Variants in MPP7 observed in about 807,000 individuals in gnomAD.
MPP7 encodes the protein MAGUK p55 subfamily member 7.
MPP7 carries 60 observed loss-of-function variants against 76.5 expected under a neutral mutation model. The observed-to-expected ratio is 0.78, with a 90% CI of 0.64 to 0.97. The LOEUF (loss-of-function observed/expected upper bound fraction) is 0.97, where lower values mean the gene tolerates loss of function less well. Among genes scored for constraint, MPP7 ranks in the 50% least tolerant of loss-of-function variants. The pLI is 0.00. For synonymous variants in MPP7, 237 were observed against 244.5 expected (o/e 0.97, Z 0.29); for missense variants, 641 against 694.0 (o/e 0.92, Z 0.86).
At chr10:28,329,489 C>G (rs1217210229) in intron 2 of MPP7, among the ~76,000 whole-genome samples, 1 of 151,882 alleles carries the variant, frequency 6.6e-6, no homozygotes, top group Non-Finnish European at 1.5e-5. Flanking sequence ...ATTAGCTGGG[C>G]GTGGTGGTGG....
intron 1 of MPP7, among the ~76,000 whole-genome samples, chr10:28,249,177 C>T (rs1839532344): frequency 6.6e-6 from 1 of 151,804 alleles, no homozygotes; most frequent in African/African-American, 2.4e-5. Context: ...TTCTGCCTGT[C>T]CTCTTCTTAG....
At chr10:28,312,702 A>C (rs1363265009) in intron 2 of MPP7, among the ~76,000 whole-genome samples, 1 of 152,236 alleles carries the variant, frequency 6.6e-6, no homozygotes, top group Non-Finnish European at 1.5e-5. Context: ...GAGATGAGTC[A>C]TTCAGAATTT....
At chr10:28,186,428 A>T (rs899933176) in intron 3 of MPP7, among the ~76,000 whole-genome samples, 1 of 152,242 alleles carries the variant, frequency 6.6e-6, no homozygotes, top group Non-Finnish European at 1.5e-5. Flanking sequence ...CTATACTTTA[A>T]AAATAATTTA....
chr10:28,158,427 C>T (rs1352307149), intron 3 of MPP7, among the ~76,000 whole-genome samples: 2 of 152,032 alleles, frequency 1.3e-5, no homozygotes, highest in East Asian at 1.9e-4. Context: ...AGGGGACAGC[C>T]GGCAGGGGGG....
At chr10:28,079,776 A>G (rs1227863651) in intron 12 of MPP7, among the ~76,000 whole-genome samples, 4 of 152,212 alleles carry the variant, frequency 2.6e-5, no homozygotes, top group African/African-American at 9.7e-5. Context: ...ATGTATTACT[A>G]TTGTGAAAAT....
intron 11 of MPP7, among the ~76,000 whole-genome samples, chr10:28,105,548 C>T (rs1309394884): frequency 6.6e-6 from 1 of 152,186 alleles, no homozygotes; most frequent in Non-Finnish European, 1.5e-5. Flanking sequence ...GGCTCTGTCA[C>T]CCAGGCTGGA....
intron 3 of MPP7, among the ~76,000 whole-genome samples, chr10:28,165,613 C>G (rs1836424970): frequency 6.6e-6 from 1 of 151,824 alleles, no homozygotes; most frequent in Non-Finnish European, 1.5e-5. Context: ...ATTTTAAAGG[C>G]AGCCATGATA....
chr10:28,216,445 G>A (rs1250300109), intron 2 of MPP7, among the ~76,000 whole-genome samples: 1 of 152,194 alleles, frequency 6.6e-6, no homozygotes, highest in Admixed American at 6.5e-5. Context: ...ATTGGCTGAT[G>A]TAAACTGTAC....
At chr10:28,183,287 T>C (rs1368099251) in intron 3 of MPP7, among the ~76,000 whole-genome samples, 1 of 152,032 alleles carries the variant, frequency 6.6e-6, no homozygotes, top group Non-Finnish European at 1.5e-5. Context: ...ATTTTCTCTC[T>C]TAAGCTGTGT....
chr10:28,327,797 C>T (rs570551299), intron 2 of MPP7, among the ~76,000 whole-genome samples: 9 of 152,252 alleles, frequency 5.9e-5, no homozygotes, highest in Admixed American at 3.9e-4. Flanking sequence ...ACATTATATT[C>T]GTGAGTGTGC....
chr10:28,315,498 G>T (rs1564771046), intron 2 of MPP7, among the ~76,000 whole-genome samples: 1 of 152,084 alleles, frequency 6.6e-6, no homozygotes, highest in Non-Finnish European at 1.5e-5. Context: ...CTGCCCACTG[G>T]CCTCACTCAT....
chr10:28,121,092 C>G (rs1210701294), intron 8 of MPP7, among the ~76,000 whole-genome samples: 1 of 151,970 alleles, frequency 6.6e-6, no homozygotes, highest in Non-Finnish European at 1.5e-5. Context: ...CAGGATCACC[C>G]AAGCCCAGGA....
chr10:28,274,156 G>A (rs987136084), intron 1 of MPP7, among the ~76,000 whole-genome samples: 1 of 142,954 alleles, frequency 7.0e-6, no homozygotes, highest in Non-Finnish European at 1.5e-5. Context: ...AGGCTGGAGT[G>A]CAGTGGCGCA....
intron 2 of MPP7, among the ~76,000 whole-genome samples, chr10:28,211,557 T>C (rs1838139855): frequency 6.6e-6 from 1 of 151,898 alleles, no homozygotes; most frequent in Admixed American, 6.6e-5. Flanking sequence ...GGCAGGTGAG[T>C]TGACCAAGGA....
chr10:28,322,619 G>A (rs951592663), intron 2 of MPP7, among the ~76,000 whole-genome samples: 4 of 151,956 alleles, frequency 2.6e-5, no homozygotes, highest in Non-Finnish European at 5.9e-5. Flanking sequence ...CCTTTCCCAG[G>A]GGTAAAACTC....
At chr10:28,307,595 C>T (rs1817413236), upstream of MPP7, 1 of 152,222 alleles carries the variant, frequency 6.6e-6, no homozygotes, top group African/African-American at 2.4e-5. Flanking sequence ...TGGATGAAAA[C>T]TTGGGTGATC....
chr10:28,219,675 T>C (rs7913970), intron 2 of MPP7, among the ~76,000 whole-genome samples: 40,955 of 151,990 alleles, frequency 0.27, 6,117 homozygotes, highest in East Asian at 0.54. Context: ...TTTGTCTTAG[T>C]TCTCACATTT....
In MPP7 at chr10:28,082,097, A is replaced by G. The variant is rs997444558; in HGVS notation, c.1123+7574T>C. 3.3e-5 allele frequency among the ~76,000 whole-genome samples: 5 copies of G among 152,278 alleles called. No homozygotes were observed. In the East Asian group the frequency reaches 7.7e-4, roughly 23 times the overall value. On this transcript the variant is annotated intron_variant, in intron 12 of 16. Transcript: ENST00000683449. ...GGACTATGACACTTATACTTTTTCC[A>G]TCTTCCTACATAAATACACATTGTA...
chr10:28,262,273 ATATATT>A (rs1840013696), intron 1 of MPP7, among the ~76,000 whole-genome samples: 15 of 54,830 alleles, frequency 2.7e-4, no homozygotes, highest in Middle Eastern at 9.6e-3. Flanking sequence ...ATATATATAT[ATATATT>A]TTTTTTTTTT....
Sources: gnomAD v4.1 joint callset for allele counts (sites outside exome capture counted in the v4.1 genomes callset) on GRCh38, gnomAD v4.1.1 for gene constraint, MANE v1.5 for transcripts, NCBI Gene and HGNC (gene_info 2026-07-23, HGNC 2026-07-21) for gene names.